The following ADAMTSL2 variants were observed in gnomAD, a reference collection of about 807,000 sequenced individuals.
The protein encoded by ADAMTSL2 is ADAMTS like 2.
A neutral mutation model predicts 117.0 loss-of-function variants in ADAMTSL2; 55 were observed. That is an observed-to-expected ratio of 0.47 (90% CI 0.38 to 0.59). The LOEUF (loss-of-function observed/expected upper bound fraction) is 0.59, where lower values mean the gene tolerates loss of function less well. Ranked by LOEUF, ADAMTSL2 falls within the 20% of genes least tolerant of loss-of-function variation. ADAMTSL2 has a pLI of 0.00. For synonymous variants in ADAMTSL2, 572 were observed against 566.4 expected, an observed-to-expected ratio of 1.01 and a Z score of -0.14; for missense variants, 1,182 against 1,354.5, an observed-to-expected ratio of 0.87 and a Z score of 2.00.
At chr9:133,533,031 G>A (rs745699491), upstream of ADAMTSL2, among the ~76,000 whole-genome samples, 1 of 152,194 alleles carries the variant, frequency 6.6e-6, no homozygotes, top group Non-Finnish European at 1.5e-5. Context: ...GGCCACAAAC[G>A]CCAGGAGAGC....
rs79091755 is a variant in ADAMTSL2, at chr9:133,536,322, C to T, written c.-150-241C>T. Among the ~76,000 whole-genome samples the T allele has an allele frequency of 0.02, 3,097 of 152,344 alleles. 43 individuals carry two copies. Among genetic ancestry groups the T allele is most frequent in the Admixed American group, 0.032 (491 of 15,306 alleles). On this transcript the variant is annotated intron_variant, in intron 1 of 18. Transcript: ENST00000651351. ...CCCTTCGAACCAGAGCCTTTCCCCC[C>T]GCCTGGGTCCCCAGCCCCCTCAGCC... is the stretch of plus-strand genomic sequence containing the variant.
chr9:133,566,801 G>A, intron 12 of ADAMTSL2, 135 bp from the exon 13 acceptor site: 9 of 1,201,150 alleles, frequency 7.5e-6, no homozygotes, highest in Admixed American at 4.0e-5. Flanking sequence ...TGCCACAGTT[G>A]CACAAGCTGT....
chr9:133,539,989 A>T, intron 5 of ADAMTSL2, 116 bp downstream of exon 5: 1 of 974,350 alleles, frequency 1.0e-6, no homozygotes, highest in Admixed American at 2.0e-5. Context: ...GGAGGTGGTC[A>T]GACGAAGAGC....
chr9:133,533,181 G>T (rs936954081), upstream of ADAMTSL2, among the ~76,000 whole-genome samples: 1 of 149,258 alleles, frequency 6.7e-6, no homozygotes, highest in Non-Finnish European at 1.5e-5. Context: ...GTGTGTGTGT[G>T]TGTGTGTGTG....
At chr9:133,562,140 T>C (rs1236496343) in intron 12 of ADAMTSL2, among the ~76,000 whole-genome samples, 4 of 152,240 alleles carry the variant, frequency 2.6e-5, no homozygotes, top group Admixed American at 6.5e-5. Flanking sequence ...GCCAGGGCAT[T>C]TGATGCCCTT....
chr9:133,534,831 C>A lies in ADAMTSL2; in HGVS notation c.-237C>A. On this transcript the variant is annotated 5_prime_UTR_variant, in exon 1 of 19. Coordinates refer to ENST00000651351, the MANE Select transcript of ADAMTSL2 (RefSeq NM_014694.4). The stretch of plus-strand genomic sequence containing the variant: ...CCGCAGCCTCTGCACTCACGCCGCC[C>A]CCGCACGCACAGCGCACCTGGCGCC... 6.7e-7 allele frequency: 1 copy of A among 1,495,870 alleles called. No homozygotes were observed. Among genetic ancestry groups the A allele is most frequent in the Non-Finnish European group, 8.9e-7 (1 of 1,118,626 alleles). The allele number at this position is 1,495,870 out of a possible 1,614,324, so 92.7% of individuals were successfully genotyped here. A position where few individuals can be genotyped will look rare whatever the true frequency, so the allele number is the denominator to read the frequency against.
chr9:133,533,485 C>T (rs958040418), upstream of ADAMTSL2, among the ~76,000 whole-genome samples: 3 of 152,280 alleles, frequency 2.0e-5, no homozygotes, highest in East Asian at 1.9e-4. Context: ...ACTTGGTCCC[C>T]GAACCTCAGT....
rs1226470843 is a variant in ADAMTSL2, at chr9:133,544,384, C to A, written c.683-86C>A. Reference sequence around the variant, plus strand: ...CCAGCCCTTAGACAGCCACCGCTCACCCTCCAATAGCTGTGGAGTGGGCGA... The same window carrying A: ...CCAGCCCTTAGACAGCCACCGCTCAACCTCCAATAGCTGTGGAGTGGGCGA... On this transcript the variant is annotated intron_variant, in intron 7 of 18. Transcript: ENST00000651351. 5.3e-6 allele frequency: 6 copies of A among 1,124,876 alleles called. No individual in the cohort carries two copies. In the African/African-American group the frequency reaches 6.1e-5, roughly 11 times the overall value. The allele number at this position is 1,124,876 out of a possible 1,614,324, so 69.7% of individuals were successfully genotyped here.
At chr9:133,562,898 G>C (rs1423159833) in intron 12 of ADAMTSL2, among the ~76,000 whole-genome samples, 1 of 110,060 alleles carries the variant, frequency 9.1e-6, no homozygotes, top group African/African-American at 4.0e-5. Context: ...GCTTGGCCAG[G>C]CTTGCACCGC....
At chr9:133,550,040 G>T (rs1487761892) in intron 9 of ADAMTSL2, among the ~76,000 whole-genome samples, 1 of 152,242 alleles carries the variant, frequency 6.6e-6, no homozygotes, top group Admixed American at 6.5e-5. Flanking sequence ...GTGTCAGCAA[G>T]GGACCCAAGC....
intron 8 of ADAMTSL2, 23 bp from the exon 9 acceptor site, chr9:133,547,015 G>T: frequency 6.2e-7 from 1 of 1,613,724 alleles, no homozygotes; most frequent in South Asian, 1.1e-5. Flanking sequence ...GGCCTTTTGT[G>T]ACCGGCGGCT....
chr9:133,545,998 T>C (rs576082506), intron 8 of ADAMTSL2, among the ~76,000 whole-genome samples: 8 of 152,288 alleles, frequency 5.3e-5, no homozygotes, highest in Admixed American at 2.6e-4. Context: ...CCGGCTCCTC[T>C]GTTCATATTG....
rs1830644972 is a variant in ADAMTSL2, at chr9:133,558,075, C to T, written c.1649+2145C>T. ...GCCGCTTTGTAAAGAGTCTCTCCTG[C>T]CCCATCTTGGTTGACTCTTACCCTC... is the stretch of plus-strand genomic sequence containing the variant. On this transcript the variant is annotated intron_variant, in intron 11 of 18. Coordinates refer to ENST00000651351, the MANE Select transcript of ADAMTSL2 (RefSeq NM_014694.4). The surrounding 1 kb of genome is among the most constrained non-coding windows in gnomAD (Gnocchi z 4.3). 6.6e-6 allele frequency among the ~76,000 whole-genome samples: 1 copy of T among 152,200 alleles called. No homozygotes were observed. The highest frequency in any genetic ancestry group is 1.5e-5 in the Non-Finnish European group (1 of 68,032).
Position 133,536,800 on chromosome 9 carries a change from A to G in ADAMTSL2, c.88A>G (p.Thr30Ala), listed in dbSNP as rs62637569. Reference protein sequence around the residue: ...VAGDTVSTGSTDNSPTSNSLE... With the variant: ...VAGDTVSTGSADNSPTSNSLE... ...TGGGGACACAGTGTCAACCGGGTCC[A>G]CGGTGAGTGGGGTGTTGTGGTCTGA... is the stretch of plus-strand genomic sequence containing the variant. The change falls in exon 2 of 19, where the codon ACG becomes GCG. Residue 30 changes from threonine to alanine, a missense_variant and splice_region_variant. Physicochemically the swap from Thr to Ala is moderately conservative, Grantham distance 58. Around this residue, in one of 3 missense-constraint regions of ADAMTSL2, gnomAD observed 372 missense variants for 463.4 expected, o/e 0.80. Coordinates refer to ENST00000651351, the MANE Select transcript of ADAMTSL2 (RefSeq NM_014694.4). The G allele has an allele frequency of 2.2e-3, 3,501 of 1,614,182 alleles. 77 individuals carry two copies. The African/African-American group carries it at 0.041, about 19-fold the overall frequency.
chr9:133,546,127 T>G (rs904759483), intron 8 of ADAMTSL2, among the ~76,000 whole-genome samples: 1 of 152,004 alleles, frequency 6.6e-6, no homozygotes. Flanking sequence ...CCTCCCTGCG[T>G]CCCCAGCCCT....
upstream of ADAMTSL2, among the ~76,000 whole-genome samples, chr9:133,533,975 G>C (rs892701506): frequency 1.3e-5 from 2 of 152,144 alleles, no homozygotes; most frequent in African/African-American, 4.8e-5. Flanking sequence ...GGGCTCTGCT[G>C]CTCCACCCAC....
chr9:133,541,535 C>G (rs939222056), intron 7 of ADAMTSL2, among the ~76,000 whole-genome samples: 1 of 152,174 alleles, frequency 6.6e-6, no homozygotes, highest in Non-Finnish European at 1.5e-5. Context: ...GCGATCCACC[C>G]GCCTCCGTCT....
In ADAMTSL2 at chr9:133,574,947, C is replaced by G; in HGVS notation, c.*83C>G. ...CAGCTTCTGGGGCCTCCACAGACCC[C>G]CCTCCTGCGGGGCACGCTGGCCTAA... On this transcript the variant is annotated 3_prime_UTR_variant, in exon 19 of 19. Transcript: ENST00000651351. The G allele has an allele frequency of 9.0e-7, 1 of 1,110,132 alleles. No individual in the cohort carries two copies. Among genetic ancestry groups the G allele is most frequent in the Admixed American group, 1.8e-5 (1 of 56,878 alleles). The allele number at this position is 1,110,132 out of a possible 1,614,324, so 68.8% of individuals were successfully genotyped here.
intron 7 of ADAMTSL2, among the ~76,000 whole-genome samples, chr9:133,542,548 A>G (rs78362464): frequency 0.073 from 11,180 of 152,306 alleles, 535 homozygotes; most frequent in African/African-American, 0.12. Flanking sequence ...AGGGGCTGAC[A>G]TGCAAACAGC....
Sources: gnomAD v4.1 joint callset for allele counts (sites outside exome capture counted in the v4.1 genomes callset) on GRCh38, gnomAD v4.1.1 for gene constraint, gnomAD v4.1.1 regional missense constraint, Gnocchi (gnomAD v3.1) non-coding constraint, MANE v1.5 for transcripts, NCBI Gene and HGNC (gene_info 2026-07-23, HGNC 2026-07-21) for gene names.